GPRIN3: variants seen among roughly 807,000 people sequenced by gnomAD.
GPRIN3 encodes G protein-regulated inducer of neurite outgrowth 3.
In GPRIN3, 12 loss-of-function variants were observed where a neutral mutation model predicts 13.7. That is an observed-to-expected ratio of 0.87 (90% CI 0.56 to 1.42). The LOEUF (loss-of-function observed/expected upper bound fraction) is 1.42. GPRIN3 is among the 40% of genes most tolerant of loss of function. The pLI is 0.00. For synonymous variants in GPRIN3, 377 were observed against 372.7 expected (o/e 1.01, Z -0.13); for missense variants, 1,009 against 958.7 (o/e 1.05, Z -0.69).
In GPRIN3 at chr4:89,246,090, A is replaced by G. The variant is rs998578165; in HGVS notation, c.*1690T>C. 8 of 152,202 alleles carry G rather than the reference A, an allele frequency of 5.3e-5. No individual in the cohort carries two copies. Among genetic ancestry groups the G allele is most frequent in the Non-Finnish European group, 1.2e-4 (8 of 68,036 alleles). 9.4% of individuals were successfully genotyped at this position (152,202 alleles called of 1,614,324 possible). A position where few individuals can be genotyped will look rare whatever the true frequency, so the allele number is the denominator to read the frequency against. ...GTCGAGTGTAGCTTGTGCTAAGTTC[A>G]GGAATGATTTTTTTTCCTGCATATG... On this transcript the variant is annotated 3_prime_UTR_variant, in exon 2 of 2. Transcript: ENST00000609438.
chr4:89,249,099 TG>T lies in GPRIN3; in HGVS notation c.1011del (p.Ser338ValfsTer7), dbSNP rs1723220979. On this transcript the variant is annotated frameshift_variant, in exon 2 of 2. Coordinates refer to ENST00000609438, the MANE Select transcript of GPRIN3 (RefSeq NM_198281.3). LOFTEE classifies it low-confidence loss of function (END_TRUNC). Reference protein sequence around the residue: ...SVESRSVSTSPSILTAFLKES... With the variant: ...SVESRSVSTSXSILTAFLKES... Reference sequence around the variant, plus strand: ...TCCTTCAGAAATGCAGTGAGGATACTGGGGCTGGTGGAGACGGATCTGCTCT... The same window carrying T: ...TCCTTCAGAAATGCAGTGAGGATACTGGGCTGGTGGAGACGGATCTGCTCT... 6.2e-7 allele frequency: 1 copy of T among 1,614,068 alleles called. No homozygotes were observed. Among genetic ancestry groups the T allele is most frequent in the African/African-American group, 1.3e-5 (1 of 74,932 alleles).
chr4:89,271,574 G>T (rs1287430951), intron 1 of GPRIN3, among the ~76,000 whole-genome samples: 2 of 130,576 alleles, frequency 1.5e-5, no homozygotes, highest in African/African-American at 7.2e-5. Context: ...TTAAAAACTT[G>T]TATTTTTTAT....
intron 1 of GPRIN3, among the ~76,000 whole-genome samples, chr4:89,258,097 T>C (rs911388021): frequency 5.3e-5 from 8 of 151,170 alleles, no homozygotes; most frequent in African/African-American, 1.9e-4. Context: ...CCTAGGAAGG[T>C]AGTAGGAAAA....
intron 1 of GPRIN3, among the ~76,000 whole-genome samples, chr4:89,266,004 T>G: frequency 6.6e-6 from 1 of 152,228 alleles, no homozygotes; most frequent in Non-Finnish European, 1.5e-5. Flanking sequence ...AAGCGCTACA[T>G]TTTTGTGTAT....
chr4:89,273,333 A>C (rs1005381868), intron 1 of GPRIN3, among the ~76,000 whole-genome samples: 2 of 152,222 alleles, frequency 1.3e-5, no homozygotes. Context: ...GATTTATGGC[A>C]ACAGAGCCTC....
At chr4:89,304,429 T>C (rs1724981667) in intron 1 of GPRIN3, among the ~76,000 whole-genome samples, 1 of 152,080 alleles carries the variant, frequency 6.6e-6, no homozygotes, top group African/African-American at 2.4e-5. Context: ...CGTATATATA[T>C]ATTTAAGGAA....
At chr4:89,305,757 A>C (rs1725016852) in intron 1 of GPRIN3, among the ~76,000 whole-genome samples, 1 of 152,228 alleles carries the variant, frequency 6.6e-6, no homozygotes, top group Non-Finnish European at 1.5e-5. Context: ...CAAATAATTA[A>C]GCATATTGGG....
chr4:89,304,044 AC>A (rs1433132160), intron 1 of GPRIN3, among the ~76,000 whole-genome samples: 1 of 152,038 alleles, frequency 6.6e-6, no homozygotes. Flanking sequence ...TGAAATCAGC[AC>A]CCCTTCCTCA....
At position 89,246,589 on chromosome 4, in the gene GPRIN3, T is replaced by C. The variant is rs955228826; in HGVS notation, c.*1191A>G. On this transcript the variant is annotated 3_prime_UTR_variant, in exon 2 of 2. Transcript: ENST00000609438. ...TGAAGGATATTATGGGTATTTCTCT[T>C]AAAATCAATAAGTTTGCAGAAGTTA... is the stretch of plus-strand genomic sequence containing the variant. The C allele has an allele frequency of 7.2e-5, 11 of 152,188 alleles. No homozygotes were observed. The highest frequency in any genetic ancestry group is 1.3e-4 in the Admixed American group (2 of 15,268). The allele number at this position is 152,188 out of a possible 1,614,324, so 9.4% of individuals were successfully genotyped here. A position where few individuals can be genotyped will look rare whatever the true frequency, so the allele number is the denominator to read the frequency against.
At chr4:89,262,970 ATTTATT>A (rs1723674960) in intron 1 of GPRIN3, among the ~76,000 whole-genome samples, 1 of 152,236 alleles carries the variant, frequency 6.6e-6, no homozygotes, top group Non-Finnish European at 1.5e-5. Context: ...AAAAAAATGC[ATTTATT>A]TTTATTTCTC....
At chr4:89,261,840 G>A (rs565235994) in intron 1 of GPRIN3, among the ~76,000 whole-genome samples, 1 of 152,230 alleles carries the variant, frequency 6.6e-6, no homozygotes, top group East Asian at 1.9e-4. Flanking sequence ...GGCTGGGTGA[G>A]GTGGCTCCAG....
intron 1 of GPRIN3, among the ~76,000 whole-genome samples, chr4:89,280,661 G>A (rs1344963466): frequency 6.6e-6 from 1 of 152,132 alleles, no homozygotes; most frequent in African/African-American, 2.4e-5. Flanking sequence ...ATAGGTTTTT[G>A]CAGATATAAT....
intron 1 of GPRIN3, among the ~76,000 whole-genome samples, chr4:89,306,548 A>G (rs1458266289): frequency 6.6e-6 from 1 of 152,136 alleles, no homozygotes; most frequent in African/African-American, 2.4e-5. Context: ...TCTTTAAACA[A>G]ATGTGTTGTG....
At chr4:89,278,165 C>A (rs940273573) in intron 1 of GPRIN3, among the ~76,000 whole-genome samples, 11 of 152,156 alleles carry the variant, frequency 7.2e-5, no homozygotes, top group African/African-American at 2.7e-4. Context: ...AGTTCCAAAT[C>A]AGATTTCCAG....
At chr4:89,267,635 C>T (rs943091642) in intron 1 of GPRIN3, among the ~76,000 whole-genome samples, 1 of 152,186 alleles carries the variant, frequency 6.6e-6, no homozygotes, top group African/African-American at 2.4e-5. Context: ...GGGCCCCAGT[C>T]CATCTCTGGC....
chr4:89,281,961 T>A (rs529176244), intron 1 of GPRIN3, among the ~76,000 whole-genome samples: 1 of 142,458 alleles, frequency 7.0e-6, no homozygotes, highest in South Asian at 2.1e-4. Context: ...TATGCAGTCA[T>A]CTTTTTTTTT....
intron 1 of GPRIN3, among the ~76,000 whole-genome samples, chr4:89,304,423 T>C (rs555964858): frequency 1.5e-4 from 23 of 149,266 alleles, no homozygotes; most frequent in African/African-American, 5.5e-4. Flanking sequence ...CACATACGTA[T>C]ATATATATTT....
rs777081761 is a variant in GPRIN3, at chr4:89,250,104, T to A, written c.7A>T (p.Thr3Ser). The part of the protein sequence containing the change: MG[T>S]VPDPLRSAKT... ...GCTGATCTCAGAGGGTCAGGTACAG[T>A]CCCCATGGAATTTCTCTTCAGGAGC... is the stretch of plus-strand genomic sequence containing the variant. The change falls in exon 2 of 2, where the codon ACT becomes TCT. Residue 3 changes from threonine to serine, a missense_variant. Coordinates refer to ENST00000609438, the MANE Select transcript of GPRIN3 (RefSeq NM_198281.3). 1 of 1,611,300 alleles carries A rather than the reference T, an allele frequency of 6.2e-7. No individual in the cohort carries two copies.
intron 1 of GPRIN3, among the ~76,000 whole-genome samples, chr4:89,267,645 C>T (rs901667612): frequency 3.9e-5 from 6 of 152,210 alleles, no homozygotes; most frequent in Non-Finnish European, 7.3e-5. Context: ...CCATCTCTGG[C>T]TTCTGGTGTA....
Sources: allele counts gnomAD v4.1 joint callset (sites outside exome capture counted in the v4.1 genomes callset), GRCh38; gene constraint gnomAD v4.1.1; transcripts MANE v1.5; gene names NCBI Gene and HGNC (gene_info 2026-07-23, HGNC 2026-07-21).